ERI3: variants seen among roughly 807,000 people sequenced by gnomAD.
ERI3 encodes ERI1 exoribonuclease family member 3.
A neutral mutation model predicts 44.4 loss-of-function variants in ERI3; 18 were observed. The observed-to-expected ratio is 0.41, with a 90% CI of 0.28 to 0.60. The LOEUF is 0.60. Ranked by LOEUF, ERI3 falls within the 20% of genes least tolerant of loss-of-function variation. ERI3 has a pLI of 0.36. For missense variants in ERI3, 294 were observed against 435.5 expected (o/e 0.68, Z 2.89); for synonymous variants, 183 against 164.8 (o/e 1.11, Z -0.84).
At chr1:44,326,612 T>A (rs1277715425) in intron 3 of ERI3, among the ~76,000 whole-genome samples, 1 of 152,196 alleles carries the variant, frequency 6.6e-6, no homozygotes, top group East Asian at 1.9e-4. Flanking sequence ...TTGTCCGGAC[T>A]TGTTTGTCAG....
intron 5 of ERI3, among the ~76,000 whole-genome samples, chr1:44,310,980 CA>C: frequency 1.6e-5 from 2 of 126,020 alleles, no homozygotes; most frequent in Non-Finnish European, 1.9e-5. Context: ...CACACACACA[CA>C]CACACACACA....
At chr1:44,274,383 T>C (rs1287204305) in intron 7 of ERI3, among the ~76,000 whole-genome samples, 2 of 152,196 alleles carry the variant, frequency 1.3e-5, no homozygotes, top group Non-Finnish European at 2.9e-5. Flanking sequence ...AACCTGGTAA[T>C]TGTAAAAGGA....
chr1:44,355,105 G>A lies in ERI3; in HGVS notation c.-79C>T. On this transcript the variant is annotated 5_prime_UTR_variant, in exon 1 of 9. Transcript: ENST00000372257. ...CCGACGTCTCCCTCGGCCTCAGCAA[G>A]CGCTCAGGGCAGTTGGCGGCGGCGG... 1 of 1,248,576 alleles carries A rather than the reference G, an allele frequency of 8.0e-7. No individual in the cohort carries two copies. The highest frequency in any genetic ancestry group is 1.0e-6 in the Non-Finnish European group (1 of 990,358). The allele number at this position is 1,248,576 out of a possible 1,614,324, so 77.3% of individuals were successfully genotyped here. A position where few individuals can be genotyped will look rare whatever the true frequency, so the allele number is the denominator to read the frequency against.
chr1:44,267,401 CCTT>C (rs1338417148), intron 7 of ERI3, among the ~76,000 whole-genome samples: 4 of 152,164 alleles, frequency 2.6e-5, no homozygotes, highest in Admixed American at 2.6e-4. Flanking sequence ...CTCCTCCCCT[CCTT>C]CTTCTTCCCT....
At chr1:44,313,986 A>G (rs1455024771) in intron 4 of ERI3, among the ~76,000 whole-genome samples, 1 of 138,116 alleles carries the variant, frequency 7.2e-6, no homozygotes, top group Non-Finnish European at 1.6e-5. Context: ...GGTTTAAAGT[A>G]AAAAAAAAAA....
chr1:44,342,830 T>TAA (rs1345355167), intron 2 of ERI3, among the ~76,000 whole-genome samples: 4 of 27,876 alleles, frequency 1.4e-4, no homozygotes, highest in African/African-American at 3.7e-4. Context: ...TATATATATA[T>TAA]ATATATATAT....
At chr1:44,239,281 G>A (rs1644380536) in intron 8 of ERI3, among the ~76,000 whole-genome samples, 1 of 152,232 alleles carries the variant, frequency 6.6e-6, no homozygotes, top group African/African-American at 2.4e-5. Flanking sequence ...TATCTGGTGT[G>A]GGGGTCTGCT....
chr1:44,274,240 T>C (rs1198774883), intron 7 of ERI3, among the ~76,000 whole-genome samples: 1 of 152,238 alleles, frequency 6.6e-6, no homozygotes, highest in Non-Finnish European at 1.5e-5. Context: ...CCCTATTATC[T>C]GGAATCATTT....
rs1224207389 is a variant in ERI3 at position 44,252,998 on chromosome 1, G to A, written c.832-4960C>T. 1.3e-5 allele frequency among the ~76,000 whole-genome samples: 2 copies of A among 152,194 alleles called. No individual in the cohort carries two copies. Among genetic ancestry groups the A allele is most frequent in the Non-Finnish European group, 2.9e-5 (2 of 68,036 alleles). Reference sequence around the variant, plus strand: ...CTGGATGACTTGTCACCCTGCAGGTGATTGCTCAAGACTAGGAGCCAAATC... The same window carrying A: ...CTGGATGACTTGTCACCCTGCAGGTAATTGCTCAAGACTAGGAGCCAAATC... On this transcript the variant is annotated intron_variant, in intron 7 of 8. Transcript: ENST00000372257. This position sits in a 1 kb window ranked among gnomAD's most constrained non-coding sequence, Gnocchi z 4.7.
intron 7 of ERI3, among the ~76,000 whole-genome samples, chr1:44,264,252 T>C (rs772736068): frequency 1.3e-5 from 2 of 152,156 alleles, no homozygotes; most frequent in African/African-American, 2.4e-5. Context: ...ATAAAAGTGA[T>C]TGAATCTCCA....
chr1:44,288,361 G>A (rs1645436649), intron 6 of ERI3, among the ~76,000 whole-genome samples: 1 of 152,164 alleles, frequency 6.6e-6, no homozygotes, highest in Non-Finnish European at 1.5e-5. Flanking sequence ...TCCTAGCCCT[G>A]TGACTCCAAG....
In ERI3 at chr1:44,326,618, G is replaced by A. The variant is rs181466041; in HGVS notation, c.490-6874C>T. 1.9e-3 allele frequency among the ~76,000 whole-genome samples: 292 copies of A among 152,292 alleles called. 2 individuals carry two copies. Among genetic ancestry groups the A allele is most frequent in the African/African-American group, 6.6e-3 (273 of 41,564 alleles). On this transcript the variant is annotated intron_variant, in intron 3 of 8. Transcript: ENST00000372257. ...CCCGTCGATTTGTCCGGACTTGTTT[G>A]TCAGTTGCTTTGTGCTTCGGGTCAT...
intron 3 of ERI3, among the ~76,000 whole-genome samples, chr1:44,334,728 A>T (rs998082545): frequency 2.6e-5 from 4 of 152,250 alleles, no homozygotes; most frequent in Admixed American, 2.0e-4. Flanking sequence ...ACCTAGCTGA[A>T]TAAAGTACAA....
chr1:44,259,689 G>GACACACAGACACACACACACACACAC (rs1553185530), intron 7 of ERI3, among the ~76,000 whole-genome samples: 1 of 140,282 alleles, frequency 7.1e-6, no homozygotes, highest in Non-Finnish European at 1.5e-5. Context: ...AAAACACACA[G>GACACACAGACACACACACACACACAC]ACACACACAC....
intron 7 of ERI3, among the ~76,000 whole-genome samples, chr1:44,266,695 G>C (rs1457581272): frequency 6.6e-6 from 1 of 152,218 alleles, no homozygotes. Context: ...GAATGAAAAT[G>C]AATGAATGAA....
chr1:44,309,376 T>A (rs984225585), intron 5 of ERI3, among the ~76,000 whole-genome samples: 1 of 151,948 alleles, frequency 6.6e-6, no homozygotes, highest in Non-Finnish European at 1.5e-5. Context: ...ACGCCTGTAA[T>A]CCCAGCTACT....
At chr1:44,321,976 A>T (rs1646212333) in intron 3 of ERI3, among the ~76,000 whole-genome samples, 1 of 152,216 alleles carries the variant, frequency 6.6e-6, no homozygotes, top group African/African-American at 2.4e-5. Context: ...AGGAGTTGAC[A>T]TTCCTCTGGA....
intron 7 of ERI3, among the ~76,000 whole-genome samples, chr1:44,254,927 C>T (rs951988970): frequency 1.3e-5 from 2 of 151,640 alleles, no homozygotes; most frequent in African/African-American, 4.9e-5. Flanking sequence ...CCTTAACCTC[C>T]TCTTCTCTGC....
At chr1:44,320,640 T>G (rs1646182511) in intron 3 of ERI3, among the ~76,000 whole-genome samples, 2 of 152,122 alleles carry the variant, frequency 1.3e-5, no homozygotes, top group African/African-American at 4.8e-5. Context: ...AATTATTGCT[T>G]TTTAATATTC....
Sources: allele counts gnomAD v4.1 joint callset (sites outside exome capture counted in the v4.1 genomes callset), GRCh38; gene constraint gnomAD v4.1.1; non-coding constraint Gnocchi (gnomAD v3.1); transcripts MANE v1.5; gene names NCBI Gene and HGNC (gene_info 2026-07-23, HGNC 2026-07-21).